P3H2: variants seen among roughly 807,000 people sequenced by gnomAD.
P3H2 encodes prolyl 3-hydroxylase 2.
Under a neutral mutation model 87.0 loss-of-function variants are expected in P3H2, and 80 were observed. The observed-to-expected ratio is 0.92, with a 90% CI of 0.77 to 1.11. The LOEUF (loss-of-function observed/expected upper bound fraction) is 1.11, where lower values mean the gene tolerates loss of function less well. Among genes scored for constraint, P3H2 ranks in the 50% least tolerant of loss-of-function variants. The pLI is 0.00. For synonymous variants in P3H2, 367 were observed against 359.3 expected (o/e 1.02, Z -0.24); for missense variants, 1,001 against 923.9 (o/e 1.08, Z -1.08).
At chr3:190,024,687 GTTGT>G (rs1178888019) in intron 1 of P3H2, among the ~76,000 whole-genome samples, 1 of 152,002 alleles carries the variant, frequency 6.6e-6, no homozygotes, top group African/African-American at 2.4e-5. Flanking sequence ...ACCTCTACAG[GTTGT>G]TATATCTGCA....
rs779827734 is a variant in P3H2 at position 189,987,579 on chromosome 3, T to C, written c.1046A>G (p.Tyr349Cys). 16 of 1,613,868 alleles carry C rather than the reference T, an allele frequency of 9.9e-6. No homozygotes were observed. Among genetic ancestry groups the C allele is most frequent in the African/African-American group, 4.0e-5 (3 of 74,894 alleles). ...DEDVLDNVDYYESLLDDSIDP... is the reference protein window; with the variant it reads ...DEDVLDNVDYCESLLDDSIDP... ...AATGCTATCATCCAGCAGACTCTCATAGTAATCCACATTGTCTAGGACATC... is the reference window on the plus strand; with the variant it reads ...AATGCTATCATCCAGCAGACTCTCACAGTAATCCACATTGTCTAGGACATC... Residue 349 changes from tyrosine (Y) to cysteine (C), a missense_variant, in exon 5 of 15, where the codon TAT becomes TGT. Coordinates refer to ENST00000319332, the MANE Select transcript of P3H2 (RefSeq NM_018192.4).
chr3:189,980,948 G>A (rs1418514860), intron 8 of P3H2, among the ~76,000 whole-genome samples: 2 of 152,308 alleles, frequency 1.3e-5, no homozygotes, highest in Non-Finnish European at 2.9e-5. Context: ...GGAGTTTGGG[G>A]CCTGCAAATT....
intron 1 of P3H2, among the ~76,000 whole-genome samples, chr3:190,080,812 G>A (rs1727020485): frequency 6.6e-6 from 1 of 152,132 alleles, no homozygotes; most frequent in African/African-American, 2.4e-5. Context: ...CATCTGTAGT[G>A]GAGACATGAA....
At chr3:190,019,564 C>CACCTAGGG (rs1350613662) in intron 1 of P3H2, among the ~76,000 whole-genome samples, 5 of 135,806 alleles carry the variant, frequency 3.7e-5, no homozygotes, top group African/African-American at 5.1e-5. Context: ...TGCTCATTAT[C>CACCTAGGG]GTTTCTATTA....
intron 1 of P3H2, among the ~76,000 whole-genome samples, chr3:190,048,861 C>T (rs1725886657): frequency 6.6e-6 from 1 of 152,168 alleles, no homozygotes; most frequent in African/African-American, 2.4e-5. Flanking sequence ...ACTCTCCTTG[C>T]TGTCTCCTGT....
In P3H2 at chr3:190,120,682, AGCAGCG is replaced by A; in HGVS notation, c.44_49del (p.Pro15_Leu16del). Reference sequence around the variant, plus strand: ...GCCGCCCCACAGTGGCGGCGGCAGTAGCAGCGGCAGCAGCAGCAGCAGCGGCGGCGC... The same window carrying A: ...GCCGCCCCACAGTGGCGGCGGCAGTAGCAGCAGCAGCAGCAGCGGCGGCGC... On this transcript the variant is annotated inframe_deletion, in exon 1 of 15. Coordinates refer to ENST00000319332, the MANE Select transcript of P3H2 (RefSeq NM_018192.4). 6.6e-7 allele frequency: 1 copy of A among 1,521,838 alleles called. No individual in the cohort carries two copies. Among genetic ancestry groups the A allele is most frequent in the Non-Finnish European group, 8.8e-7 (1 of 1,141,682 alleles). 94.3% of individuals were successfully genotyped at this position (1,521,838 alleles called of 1,614,324 possible).
chr3:189,999,986 T>C (rs1169915841), intron 1 of P3H2, among the ~76,000 whole-genome samples: 1 of 152,194 alleles, frequency 6.6e-6, no homozygotes, highest in African/African-American at 2.4e-5. Context: ...AGTTACACTG[T>C]CCTTGAACCT....
chr3:189,999,290 A>G (rs1447111429), intron 1 of P3H2, among the ~76,000 whole-genome samples: 1 of 152,222 alleles, frequency 6.6e-6, no homozygotes, highest in Non-Finnish European at 1.5e-5. Flanking sequence ...AATCTATAAA[A>G]AAAGATTCCA....
intron 14 of P3H2, 95 bp downstream of exon 14, chr3:189,963,860 CTCT>C (rs1722891027): frequency 1.6e-6 from 2 of 1,237,712 alleles, no homozygotes; most frequent in African/African-American, 1.5e-5. Flanking sequence ...TGCCTTTACC[CTCT>C]TCTTTTCCTC....
At chr3:190,060,531 T>G (rs1486731913) in intron 1 of P3H2, among the ~76,000 whole-genome samples, 11 of 152,182 alleles carry the variant, frequency 7.2e-5, no homozygotes, top group Admixed American at 7.2e-4. Context: ...ATTCTTCTAA[T>G]TCCAATTTTA....
Position 189,983,159 on chromosome 3 carries a change from TA to T in P3H2, c.1230-20del. On this transcript the variant is annotated intron_variant, in intron 7 of 14. Transcript: ENST00000319332. ...AGGGACCCTGCCCATTCAAAAAATT[TA>T]AAATGGCAATTTGTCATTGAATAAC... The T allele has an allele frequency of 1.3e-6, 2 of 1,581,744 alleles. No individual in the cohort carries two copies. Among genetic ancestry groups the T allele is most frequent in the African/African-American group, 2.7e-5 (2 of 74,406 alleles).
At chr3:190,027,622 A>C (rs1050293782) in intron 1 of P3H2, among the ~76,000 whole-genome samples, 1 of 136,880 alleles carries the variant, frequency 7.3e-6, no homozygotes, top group Non-Finnish European at 1.6e-5. Flanking sequence ...TGCGGTTTTT[A>C]CCTTTTTTTT....
At chr3:190,116,530 G>C (rs1712294579) in intron 1 of P3H2, 1 of 152,156 alleles carries the variant, frequency 6.6e-6, no homozygotes, top group African/African-American at 2.4e-5. Context: ...GACTAAACAA[G>C]GCCAAGAGAT....
intron 1 of P3H2, among the ~76,000 whole-genome samples, chr3:190,010,818 G>T (rs1397188081): frequency 2.0e-5 from 3 of 152,150 alleles, no homozygotes; most frequent in Non-Finnish European, 4.4e-5. Flanking sequence ...AATTTAATCT[G>T]ACTTTAAACT....
At chr3:190,007,761 T>C (rs909125884) in intron 1 of P3H2, among the ~76,000 whole-genome samples, 4 of 151,666 alleles carry the variant, frequency 2.6e-5, no homozygotes, top group Admixed American at 2.6e-4. Context: ...AAGGGTATGA[T>C]GAACTGTAGT....
Position 189,957,759 on chromosome 3 carries a change from A to G in P3H2, c.*153T>C. 3 of 648,434 alleles carry G rather than the reference A, an allele frequency of 4.6e-6. No individual in the cohort carries two copies. The highest frequency in any genetic ancestry group is 8.2e-6 in the Non-Finnish European group (3 of 367,294). 40.2% of individuals were successfully genotyped at this position (648,434 alleles called of 1,614,324 possible). On this transcript the variant is annotated 3_prime_UTR_variant, in exon 15 of 15. Transcript: ENST00000319332. ...CAAAACAAGAAAGATAGATTGATAGATTGAGGCAACACAAGCATCCTTAGG... is the reference window on the plus strand; with the variant it reads ...CAAAACAAGAAAGATAGATTGATAGGTTGAGGCAACACAAGCATCCTTAGG...
At chr3:189,992,870 T>G (rs2108922721) in intron 3 of P3H2, among the ~76,000 whole-genome samples, 1 of 152,372 alleles carries the variant, frequency 6.6e-6, no homozygotes, top group South Asian at 2.1e-4. Context: ...ACAGGCTCTC[T>G]TTGAATATGA....
intron 1 of P3H2, among the ~76,000 whole-genome samples, chr3:190,085,295 G>A (rs1199535845): frequency 6.6e-6 from 1 of 152,192 alleles, no homozygotes; most frequent in Non-Finnish European, 1.5e-5. Context: ...TTTAGTGTAA[G>A]TGTGATGTTA....
chr3:190,000,096 T>C (rs1724164738), intron 1 of P3H2, among the ~76,000 whole-genome samples: 1 of 152,228 alleles, frequency 6.6e-6, no homozygotes, highest in South Asian at 2.1e-4. Context: ...AAATCTCCAG[T>C]AGTCATCCAT....
Sources: gnomAD v4.1 joint callset for allele counts (sites outside exome capture counted in the v4.1 genomes callset) on GRCh38, gnomAD v4.1.1 for gene constraint, MANE v1.5 for transcripts, NCBI Gene and HGNC (gene_info 2026-07-23, HGNC 2026-07-21) for gene names.